The following WWOX variants were observed in gnomAD, a reference collection of about 807,000 sequenced individuals.
The protein encoded by WWOX is WW domain-containing oxidoreductase.
Under a neutral mutation model 46.2 loss-of-function variants are expected in WWOX, and 69 were observed. The observed-to-expected ratio is 1.49, with a 90% CI of 1.23 to 1.82. The LOEUF (loss-of-function observed/expected upper bound fraction) is 1.82. Ranked by LOEUF, WWOX falls within the 40% of genes most tolerant of loss-of-function variation. WWOX has a pLI of 0.00. For synonymous variants in WWOX, 359 were observed against 202.6 expected (o/e 1.77, Z -6.56); for missense variants, 919 against 542.6 (o/e 1.69, Z -6.89).
At chr16:78,295,127 C>G (rs2079922934) in intron 5 of WWOX, among the ~76,000 whole-genome samples, 1 of 152,078 alleles carries the variant, frequency 6.6e-6, no homozygotes, top group African/African-American at 2.4e-5. Flanking sequence ...TCTCATGTCC[C>G]CTTGGCTTCT....
chr16:78,368,126 C>G (rs2081583274), intron 5 of WWOX, among the ~76,000 whole-genome samples: 1 of 152,152 alleles, frequency 6.6e-6, no homozygotes, highest in African/African-American at 2.4e-5. Flanking sequence ...TGTTTATAAA[C>G]TAGAAGTAAT....
chr16:78,355,557 C>G (rs539070163), intron 5 of WWOX: 18 of 447,574 alleles, frequency 4.0e-5, no homozygotes, highest in Non-Finnish European at 7.1e-5. Flanking sequence ...CAGCAGCAAA[C>G]TACCAACACT....
At chr16:78,890,517 C>T (rs1423389092) in intron 8 of WWOX, 1 of 152,212 alleles carries the variant, frequency 6.6e-6, no homozygotes, top group South Asian at 2.1e-4. Context: ...CTCCTGGCTT[C>T]CCTGAAATGG....
At chr16:78,213,363 T>TG (rs1166176684) in intron 5 of WWOX, among the ~76,000 whole-genome samples, 1 of 151,828 alleles carries the variant, frequency 6.6e-6, no homozygotes, top group Non-Finnish European at 1.5e-5. Flanking sequence ...GATTAGTGTC[T>TG]GGCTTAAGCA....
At chr16:78,276,920 T>C (rs1440584783) in intron 5 of WWOX, among the ~76,000 whole-genome samples, 1 of 152,244 alleles carries the variant, frequency 6.6e-6, no homozygotes, top group Non-Finnish European at 1.5e-5. Context: ...TATTCACGTC[T>C]GAGATTCCGT....
intron 8 of WWOX, chr16:78,996,132 T>C: frequency 1.1e-6 from 1 of 910,110 alleles, no homozygotes; most frequent in South Asian, 5.2e-5. Flanking sequence ...AGCTCAGGCG[T>C]AGAATGTTCT....
At chr16:78,404,750 C>G (rs28432312) in intron 6 of WWOX, among the ~76,000 whole-genome samples, 12,883 of 152,148 alleles carry the variant, frequency 0.085, 1,776 homozygotes, top group African/African-American at 0.29. Flanking sequence ...GTTACTTTTT[C>G]TTACTTTCCC....
chr16:78,721,202 A>G (rs2048681444), intron 8 of WWOX, among the ~76,000 whole-genome samples: 1 of 152,190 alleles, frequency 6.6e-6, no homozygotes, highest in Admixed American at 6.6e-5. Flanking sequence ...AGGCCATTAT[A>G]CTTTCTACAG....
intron 8 of WWOX, among the ~76,000 whole-genome samples, chr16:78,771,773 C>CAATAAATAAATAAATAAATA (rs60862470): frequency 6.9e-6 from 1 of 144,386 alleles, no homozygotes; most frequent in East Asian, 2.1e-4. Flanking sequence ...CTCTGTCTCA[C>CAATAAATAAATAAATAAATA]AATAAATAAA....
intron 8 of WWOX, among the ~76,000 whole-genome samples, chr16:78,615,311 C>T (rs1470884062): frequency 6.6e-6 from 1 of 152,056 alleles, no homozygotes; most frequent in Non-Finnish European, 1.5e-5. Flanking sequence ...GCTGCCTTTG[C>T]TCTCCTCTCC....
intron 8 of WWOX, among the ~76,000 whole-genome samples, chr16:78,951,678 A>C (rs76340317): frequency 0.14 from 20,981 of 152,166 alleles, 1,515 homozygotes; most frequent in Middle Eastern, 0.24. Context: ...AGTGGAATTC[A>C]GGACTGCGGT....
intron 5 of WWOX, among the ~76,000 whole-genome samples, chr16:78,233,196 A>G (rs545554656): frequency 1.3e-5 from 2 of 152,322 alleles, no homozygotes; most frequent in South Asian, 2.1e-4. Flanking sequence ...TGAAAAGATT[A>G]CTGACGATCA....
At chr16:78,850,228 C>T (rs1018878530) in intron 8 of WWOX, among the ~76,000 whole-genome samples, 1 of 152,014 alleles carries the variant, frequency 6.6e-6, no homozygotes, top group Non-Finnish European at 1.5e-5. Flanking sequence ...AATAACTAGC[C>T]AATGTGTCAT....
intron 8 of WWOX, among the ~76,000 whole-genome samples, chr16:78,537,060 G>C (rs1474188950): frequency 2.0e-5 from 3 of 152,008 alleles, no homozygotes; most frequent in Non-Finnish European, 2.9e-5. Flanking sequence ...GGGACTACAG[G>C]CATGTACCAC....
chr16:78,916,701 A>G (rs917753322), intron 8 of WWOX, among the ~76,000 whole-genome samples: 1 of 152,188 alleles, frequency 6.6e-6, no homozygotes, highest in Non-Finnish European at 1.5e-5. Flanking sequence ...ACTTGAAACA[A>G]AATAAAAGTG....
At chr16:78,407,015 G>A (rs60920271) in intron 6 of WWOX, among the ~76,000 whole-genome samples, 2 of 152,186 alleles carry the variant, frequency 1.3e-5, no homozygotes, top group African/African-American at 4.8e-5. Flanking sequence ...GGCAGCTGTG[G>A]CCTTGGTGGA....
At chr16:78,790,542 C>T (rs1031835306) in intron 8 of WWOX, among the ~76,000 whole-genome samples, 1 of 152,200 alleles carries the variant, frequency 6.6e-6, no homozygotes, top group Non-Finnish European at 1.5e-5. Context: ...CCAGTATCTA[C>T]TACCGTGGAC....
chr16:78,793,783 T>C (rs1347211496), intron 8 of WWOX, among the ~76,000 whole-genome samples: 2 of 151,754 alleles, frequency 1.3e-5, no homozygotes, highest in Admixed American at 6.6e-5. Flanking sequence ...TTAGAAACAA[T>C]GAAAATTTTT....
intron 8 of WWOX, among the ~76,000 whole-genome samples, chr16:79,118,529 T>G (rs143270186): frequency 4.3e-4 from 65 of 152,318 alleles, no homozygotes; most frequent in East Asian, 4.2e-3. Flanking sequence ...TAATGCAAAG[T>G]TGCCAGAAAC....
Sources: gnomAD v4.1 joint callset for allele counts (sites outside exome capture counted in the v4.1 genomes callset) on GRCh38, gnomAD v4.1.1 for gene constraint, MANE v1.5 for transcripts, NCBI Gene and HGNC (gene_info 2026-07-23, HGNC 2026-07-21) for gene names.